Variants in CACNA2D3 observed in about 807,000 individuals in gnomAD.
The protein encoded by CACNA2D3 is voltage-dependent calcium channel subunit alpha-2/delta-3.
A neutral mutation model predicts 160.6 loss-of-function variants in CACNA2D3; 60 were observed. The observed-to-expected ratio is 0.37, with a 90% confidence interval of 0.30 to 0.46. The LOEUF (loss-of-function observed/expected upper bound fraction) is 0.46, where lower values mean the gene tolerates loss of function less well. Among genes scored for constraint, CACNA2D3 ranks in the 20% least tolerant of loss-of-function variants. CACNA2D3 has a pLI of 1.00. For synonymous variants in CACNA2D3, 558 were observed against 492.9 expected (o/e 1.13, Z -1.75); for missense variants, 1,205 against 1,365.0 (o/e 0.88, Z 1.85).
At chr3:54,815,128 T>TG (rs1703418435) in intron 13 of CACNA2D3, among the ~76,000 whole-genome samples, 1 of 152,236 alleles carries the variant, frequency 6.6e-6, no homozygotes, top group Non-Finnish European at 1.5e-5. Flanking sequence ...TCTATTTTTT[T>TG]CTGAACTCTT....
intron 9 of CACNA2D3, among the ~76,000 whole-genome samples, chr3:54,587,591 AGAG>A (rs1702785514): frequency 6.6e-6 from 1 of 151,600 alleles, no homozygotes; most frequent in Non-Finnish European, 1.5e-5. Flanking sequence ...AAAAATAAAA[AGAG>A]AGAAGACAAA....
At chr3:54,806,735 C>T (rs1044423991) in intron 13 of CACNA2D3, among the ~76,000 whole-genome samples, 21 of 151,940 alleles carry the variant, frequency 1.4e-4, no homozygotes, top group Admixed American at 4.6e-4. Context: ...AAAAAGAGCC[C>T]GCATCGCCAA....
At chr3:54,969,479 C>T (rs1335368187) in intron 28 of CACNA2D3, among the ~76,000 whole-genome samples, 3 of 152,012 alleles carry the variant, frequency 2.0e-5, no homozygotes, top group Admixed American at 6.6e-5. Context: ...AGGCTGGTCT[C>T]GAACTCCTGA....
At position 54,446,945 on chromosome 3, in the gene CACNA2D3, C is replaced by T. The variant is rs146448346; in HGVS notation, c.382-56547C>T. ...ACAAGGCCTCTTCCAAATTGTGCAT[C>T]CTTCAAGGTGGGATCCCGGAGGCGG... On this transcript the variant is annotated intron_variant, in intron 4 of 37. Coordinates refer to ENST00000474759, the MANE Select transcript of CACNA2D3 (RefSeq NM_018398.3). Among the ~76,000 whole-genome samples, 356 of 152,304 alleles carry T rather than the reference C, an allele frequency of 2.3e-3. 3 individuals are homozygous for T. The highest frequency in any genetic ancestry group is 8.3e-3 in the African/African-American group (347 of 41,562).
At chr3:54,466,710 A>C (rs1700633954) in intron 4 of CACNA2D3, among the ~76,000 whole-genome samples, 1 of 152,212 alleles carries the variant, frequency 6.6e-6, no homozygotes, top group Non-Finnish European at 1.5e-5. Flanking sequence ...AAAAGTGACC[A>C]ATCTCATTAT....
At chr3:54,671,637 G>A (rs192948803) in intron 11 of CACNA2D3, among the ~76,000 whole-genome samples, 3 of 152,216 alleles carry the variant, frequency 2.0e-5, no homozygotes, top group South Asian at 2.1e-4. Context: ...GTCTCTGCAC[G>A]GAAATACAGC....
At chr3:54,339,058 A>G (rs912202548) in intron 3 of CACNA2D3, among the ~76,000 whole-genome samples, 70 of 152,130 alleles carry the variant, frequency 4.6e-4, no homozygotes, top group African/African-American at 1.6e-3. Context: ...ATTGCAGAGA[A>G]CTTGTCATCC....
At chr3:54,909,144 C>G (rs1306846811) in intron 27 of CACNA2D3, among the ~76,000 whole-genome samples, 1 of 152,098 alleles carries the variant, frequency 6.6e-6, no homozygotes, top group African/African-American at 2.4e-5. Flanking sequence ...CACAGAAATT[C>G]CAATCAAAGA....
chr3:54,442,911 C>A (rs1245066566), intron 4 of CACNA2D3, among the ~76,000 whole-genome samples: 1 of 152,176 alleles, frequency 6.6e-6, no homozygotes, highest in African/African-American at 2.4e-5. Flanking sequence ...GGGGACAGAA[C>A]TCAAGATTTT....
In CACNA2D3 at chr3:54,441,144, A is replaced by G. The variant is rs543831826; in HGVS notation, c.381+54370A>G. On this transcript the variant is annotated intron_variant, in intron 4 of 37. Coordinates refer to ENST00000474759, the MANE Select transcript of CACNA2D3 (RefSeq NM_018398.3). ...CCTATTTCTCCACATCTTCTCCAGC[A>G]CCTGTTGTTTCCTGGCTCTTTAATG... Among the ~76,000 whole-genome samples the G allele has an allele frequency of 3.9e-5, 6 of 152,260 alleles. No homozygotes were observed. The South Asian group carries it at 1.2e-3, about 32-fold the overall frequency.
chr3:54,583,495 A>G (rs1249315942), intron 9 of CACNA2D3, among the ~76,000 whole-genome samples: 1 of 152,202 alleles, frequency 6.6e-6, no homozygotes, highest in Non-Finnish European at 1.5e-5. Context: ...ACATAACGCA[A>G]CAAACAAGTA....
intron 2 of CACNA2D3, among the ~76,000 whole-genome samples, chr3:54,302,312 T>C (rs1164387411): frequency 6.6e-6 from 1 of 152,186 alleles, no homozygotes; most frequent in Non-Finnish European, 1.5e-5. Context: ...CTGCTAAGGA[T>C]TGAAGATGTG....
intron 35 of CACNA2D3, among the ~76,000 whole-genome samples, chr3:55,051,685 C>T (rs555648149): frequency 3.3e-5 from 5 of 152,282 alleles, no homozygotes; most frequent in East Asian, 3.9e-4. Flanking sequence ...TGGGCAATGG[C>T]GGGCGCCCCT....
intron 17 of CACNA2D3, among the ~76,000 whole-genome samples, chr3:54,860,683 A>G (rs988461247): frequency 2.0e-5 from 3 of 152,142 alleles, no homozygotes; most frequent in Non-Finnish European, 4.4e-5. Flanking sequence ...CGTCCTCAGG[A>G]TACATCTCAA....
intron 2 of CACNA2D3, among the ~76,000 whole-genome samples, chr3:54,295,594 A>G (rs1400389142): frequency 6.6e-6 from 1 of 152,206 alleles, no homozygotes; most frequent in Non-Finnish European, 1.5e-5. Context: ...AAACGGTTGC[A>G]TTCTTTTGAA....
At chr3:54,410,303 G>A (rs560883905) in intron 4 of CACNA2D3, among the ~76,000 whole-genome samples, 9 of 152,192 alleles carry the variant, frequency 5.9e-5, no homozygotes, top group South Asian at 2.1e-4. Context: ...GCAGTGCGCC[G>A]AGATTGCGCC....
intron 2 of CACNA2D3, among the ~76,000 whole-genome samples, chr3:54,314,251 G>A (rs1703813075): frequency 6.6e-6 from 1 of 152,102 alleles, no homozygotes; most frequent in South Asian, 2.1e-4. Flanking sequence ...CCTATTTATG[G>A]CTGAATAATA....
chr3:54,140,611 C>T (rs188714644), intron 2 of CACNA2D3, among the ~76,000 whole-genome samples: 7 of 152,342 alleles, frequency 4.6e-5, no homozygotes, highest in Admixed American at 1.3e-4. Flanking sequence ...GTCCAGGCTT[C>T]GTGTTCAGAC....
chr3:54,760,011 T>C (rs1702050840), intron 12 of CACNA2D3, among the ~76,000 whole-genome samples: 1 of 152,226 alleles, frequency 6.6e-6, no homozygotes, highest in African/African-American at 2.4e-5. Flanking sequence ...AAGACCTCAG[T>C]GAATGTTCCC....
Sources: allele counts gnomAD v4.1 joint callset (sites outside exome capture counted in the v4.1 genomes callset), GRCh38; gene constraint gnomAD v4.1.1; transcripts MANE v1.5; gene names NCBI Gene and HGNC (gene_info 2026-07-23, HGNC 2026-07-21).